The following WIPF2 variants were observed in gnomAD, a reference collection of about 807,000 sequenced individuals.
WIPF2 encodes the protein WAS/WASL interacting protein family member 2.
A neutral mutation model predicts 38.8 loss-of-function variants in WIPF2; 23 were observed. The ratio of observed to expected loss-of-function variants is 0.59; its 90% CI spans 0.43 to 0.84. The LOEUF is 0.84. WIPF2 is among the 40% of genes least tolerant of loss of function. The probability of loss-of-function intolerance (pLI) is 0.00; values close to 1 mark genes in which losing one functional copy is unlikely to be tolerated. For missense variants in WIPF2, 574 were observed against 580.5 expected (o/e 0.99, Z 0.11); for synonymous variants, 210 against 223.2 (o/e 0.94, Z 0.53).
At chr17:40,256,627 G>A in intron 2 of WIPF2, 105 bp downstream of exon 2, 1 of 1,408,358 alleles carries the variant, frequency 7.1e-7, no homozygotes, top group South Asian at 1.5e-5. Flanking sequence ...AAAATTTCTA[G>A]ATTTTCCTAC....
intron 1 of WIPF2, among the ~76,000 whole-genome samples, chr17:40,244,575 G>C (rs562868122): frequency 6.6e-6 from 1 of 152,276 alleles, no homozygotes; most frequent in African/African-American, 2.4e-5. Flanking sequence ...TGAGATAACC[G>C]ATCGAACTTC....
rs1393970609 is a variant in WIPF2 at position 40,283,829 on chromosome 17, A to G, written c.*5604A>G. 6.6e-6 allele frequency: 1 copy of G among 152,210 alleles called. No homozygotes were observed. Among genetic ancestry groups the G allele is most frequent in the Non-Finnish European group, 1.5e-5 (1 of 68,042 alleles). 9.4% of individuals were successfully genotyped at this position (152,210 alleles called of 1,614,324 possible). A position where few individuals can be genotyped will look rare whatever the true frequency, so the allele number is the denominator to read the frequency against. On this transcript the variant is annotated 3_prime_UTR_variant, in exon 8 of 8. Transcript: ENST00000323571. ...ACTTTGACTTTAGGTGTAAAAATTC[A>G]ACCAGACATTCTCTCCTTACTGTGG...
At chr17:40,268,370 T>C (rs1305154133) in intron 5 of WIPF2, among the ~76,000 whole-genome samples, 1 of 152,102 alleles carries the variant, frequency 6.6e-6, no homozygotes, top group Admixed American at 6.6e-5. Flanking sequence ...AAAGTTCAGG[T>C]TTGACTTTTT....
At chr17:40,270,190 CCTGT>C (rs1459117434) in intron 5 of WIPF2, among the ~76,000 whole-genome samples, 3 of 150,740 alleles carry the variant, frequency 2.0e-5, no homozygotes, top group Admixed American at 1.3e-4. Context: ...ACGGTGAAAC[CCTGT>C]CTCTCTACTA....
intron 5 of WIPF2, 137 bp downstream of exon 5, chr17:40,265,283 T>G: frequency 8.8e-7 from 1 of 1,136,348 alleles, no homozygotes; most frequent in Non-Finnish European, 1.2e-6. Context: ...TCAGGTCTGT[T>G]GGTAGGGAAA....
At position 40,279,322 on chromosome 17, in the gene WIPF2, A is replaced by G. The variant is rs1452749995; in HGVS notation, c.*1097A>G. 6.6e-6 allele frequency: 1 copy of G among 152,662 alleles called. No homozygotes were observed. The highest frequency in any genetic ancestry group is 1.5e-5 in the Non-Finnish European group (1 of 68,092). The allele number at this position is 152,662 out of a possible 1,614,324, so 9.5% of individuals were successfully genotyped here. On this transcript the variant is annotated 3_prime_UTR_variant, in exon 8 of 8. Transcript: ENST00000323571. ...CAAAGGACTTTTAAGTCCTGCCTGT[A>G]CTGAAGTTCACAGCCCACCTGACTG... is the stretch of plus-strand genomic sequence containing the variant.
At chr17:40,225,963 T>C (rs1332523184) in intron 1 of WIPF2, among the ~76,000 whole-genome samples, 1 of 152,042 alleles carries the variant, frequency 6.6e-6, no homozygotes, top group African/African-American at 2.4e-5. Flanking sequence ...AAAAATTTAG[T>C]TTCTTAAGCT....
Position 40,260,847 on chromosome 17 carries a change from A to G in WIPF2, c.196+180A>G, listed in dbSNP as rs777540967. The stretch of plus-strand genomic sequence containing the variant: ...AGTTTCTTCTTGACTCTTGGAGAGC[A>G]TCTCAGGATTAAGGTTACCATCTCA... On this transcript the variant is annotated intron_variant, in intron 3 of 7. Coordinates refer to ENST00000323571, the MANE Select transcript of WIPF2 (RefSeq NM_133264.5). 1.1e-5 allele frequency: 9 copies of G among 844,258 alleles called. No homozygotes were observed. In the East Asian group the frequency reaches 2.6e-4, roughly 24 times the overall value. 52.3% of individuals were successfully genotyped at this position (844,258 alleles called of 1,614,324 possible). A position where few individuals can be genotyped will look rare whatever the true frequency, so the allele number is the denominator to read the frequency against.
Position 40,265,078 on chromosome 17 carries a change from C to G in WIPF2, c.902C>G (p.Ser301Trp). The G allele has an allele frequency of 1.2e-6, 2 of 1,613,892 alleles. No homozygotes were observed. The highest frequency in any genetic ancestry group is 1.7e-5 in the Admixed American group (1 of 60,014). ...GGCCTAGCACCTCCTCCACCCACCT[C>G]GGCCTCCCCATCTTTACTGAGTAAT... The part of the protein sequence containing the change: ...VRGLAPPPPT[S>W]ASPSLLSNRP... Residue 301 changes from serine to tryptophan, a missense_variant, in exon 5 of 8, where the codon TCG becomes TGG. Coordinates refer to ENST00000323571, the MANE Select transcript of WIPF2 (RefSeq NM_133264.5).
chr17:40,234,939 C>T (rs1472816989), intron 1 of WIPF2, among the ~76,000 whole-genome samples: 2 of 150,332 alleles, frequency 1.3e-5, no homozygotes, highest in Admixed American at 6.6e-5. Flanking sequence ...TTTTTTGAGA[C>T]GGAGTCTTGC....
intron 1 of WIPF2, among the ~76,000 whole-genome samples, chr17:40,228,881 T>TA (rs951364056): frequency 3.6e-4 from 54 of 151,964 alleles, no homozygotes; most frequent in African/African-American, 1.3e-3. Flanking sequence ...GTGCCATAAT[T>TA]ACAGGCATGA....
At chr17:40,242,086 A>G (rs1399973540) in intron 1 of WIPF2, among the ~76,000 whole-genome samples, 2 of 152,226 alleles carry the variant, frequency 1.3e-5, no homozygotes, top group African/African-American at 4.8e-5. Flanking sequence ...GAGCAGCTCT[A>G]TAGAAATAGC....
intron 6 of WIPF2, 110 bp from the exon 7 acceptor site, chr17:40,276,973 A>T: frequency 1.1e-6 from 1 of 946,714 alleles, no homozygotes; most frequent in Non-Finnish European, 1.6e-6. Flanking sequence ...AGGTCCTCAC[A>T]GTACCTCAGA....
intron 3 of WIPF2, among the ~76,000 whole-genome samples, chr17:40,261,675 T>TCG (rs2031905976): frequency 6.9e-6 from 1 of 145,094 alleles, no homozygotes; most frequent in Admixed American, 6.9e-5. Flanking sequence ...GTTGTTTTTT[T>TCG]TTTTTGGTTT....
intron 6 of WIPF2, among the ~76,000 whole-genome samples, chr17:40,276,028 G>A (rs1182647665): frequency 6.6e-6 from 1 of 152,214 alleles, no homozygotes; most frequent in African/African-American, 2.4e-5. Context: ...TGAGCTTTCT[G>A]ATGGAGGGGC....
intron 1 of WIPF2, among the ~76,000 whole-genome samples, chr17:40,234,209 A>C (rs905020247): frequency 6.6e-6 from 1 of 152,070 alleles, no homozygotes; most frequent in Non-Finnish European, 1.5e-5. Flanking sequence ...TCTACTAAAA[A>C]TACAAAAATT....
chr17:40,247,100 C>T (rs1013226950), intron 1 of WIPF2, among the ~76,000 whole-genome samples: 5 of 150,864 alleles, frequency 3.3e-5, no homozygotes, highest in East Asian at 3.9e-4. Flanking sequence ...GGTGACAGTG[C>T]GATACTCCGT....
At chr17:40,276,195 A>G (rs1567726540) in intron 6 of WIPF2, among the ~76,000 whole-genome samples, 1 of 152,214 alleles carries the variant, frequency 6.6e-6, no homozygotes, top group Non-Finnish European at 1.5e-5. Context: ...GATTTAGATC[A>G]GTTGTTTTCC....
intron 1 of WIPF2, among the ~76,000 whole-genome samples, chr17:40,233,555 C>T (rs537002064): frequency 2.6e-5 from 4 of 151,756 alleles, no homozygotes; most frequent in South Asian, 4.2e-4. Context: ...AACTCTTGGG[C>T]TCAAGCAGTC....
Sources: allele counts gnomAD v4.1 joint callset (sites outside exome capture counted in the v4.1 genomes callset), GRCh38; gene constraint gnomAD v4.1.1; transcripts MANE v1.5; gene names NCBI Gene and HGNC (gene_info 2026-07-23, HGNC 2026-07-21).